THSD7A: variants seen among roughly 807,000 people sequenced by gnomAD.
THSD7A encodes the protein thrombospondin type-1 domain-containing protein 7A.
In THSD7A, 96 loss-of-function variants were observed where a neutral mutation model predicts 231.3. The observed-to-expected ratio is 0.41, with a 90% CI of 0.35 to 0.49. The LOEUF is 0.49. Among genes scored for constraint, THSD7A ranks in the 20% least tolerant of loss-of-function variants. The pLI, the probability that THSD7A is intolerant of heterozygous loss-of-function variation, is 0.05. For synonymous variants in THSD7A, 940 were observed against 743.3 expected, an observed-to-expected ratio of 1.26 and a Z score of -4.30; for missense variants, 2,290 against 2,070.2, an observed-to-expected ratio of 1.11 and a Z score of -2.06.
chr7:11,531,905 T>C (rs1342251307), intron 6 of THSD7A, among the ~76,000 whole-genome samples: 1 of 152,178 alleles, frequency 6.6e-6, no homozygotes, highest in Non-Finnish European at 1.5e-5. Flanking sequence ...CCAGATTCAG[T>C]ATGTCCACAA....
chr7:11,408,029 A>C (rs919540137), intron 19 of THSD7A, among the ~76,000 whole-genome samples: 2 of 152,204 alleles, frequency 1.3e-5, no homozygotes, highest in Admixed American at 6.5e-5. Context: ...TCTAAAACTT[A>C]ACTGTGGTAT....
chr7:11,482,340 T>C (rs1288709864), intron 6 of THSD7A, among the ~76,000 whole-genome samples: 1 of 152,218 alleles, frequency 6.6e-6, no homozygotes, highest in Non-Finnish European at 1.5e-5. Flanking sequence ...CCCCTCTTTC[T>C]TTTTTGGAGA....
intron 1 of THSD7A, among the ~76,000 whole-genome samples, chr7:11,726,130 G>A (rs1411447696): frequency 6.6e-6 from 1 of 151,922 alleles, no homozygotes; most frequent in African/African-American, 2.4e-5. Context: ...AATTTAAAAG[G>A]AGTTTGATGT....
At chr7:11,754,599 T>A (rs1165299742) in intron 1 of THSD7A, among the ~76,000 whole-genome samples, 1 of 152,128 alleles carries the variant, frequency 6.6e-6, no homozygotes, top group Non-Finnish European at 1.5e-5. Flanking sequence ...ATGATTTAGG[T>A]CATGCAATTA....
chr7:11,758,010 CATATATATATATATAT>C (rs3037680), intron 1 of THSD7A, among the ~76,000 whole-genome samples: 1 of 142,824 alleles, frequency 7.0e-6, no homozygotes, highest in Non-Finnish European at 1.5e-5. Flanking sequence ...CATATGCATT[CATATATATATATATAT>C]ATATATATAT....
At chr7:11,581,161 T>C (rs1315676917) in intron 4 of THSD7A, among the ~76,000 whole-genome samples, 1 of 152,066 alleles carries the variant, frequency 6.6e-6, no homozygotes, top group Non-Finnish European at 1.5e-5. Flanking sequence ...ATAATTAATA[T>C]AATGTCTTAA....
At chr7:11,416,609 T>C (rs960711504) in intron 17 of THSD7A, among the ~76,000 whole-genome samples, 5 of 152,238 alleles carry the variant, frequency 3.3e-5, no homozygotes, top group Non-Finnish European at 5.9e-5. Flanking sequence ...GAATATCAAT[T>C]TCTCCTTGGA....
At chr7:11,526,939 C>T (rs577259257) in intron 6 of THSD7A, among the ~76,000 whole-genome samples, 6 of 152,134 alleles carry the variant, frequency 3.9e-5, no homozygotes, top group Non-Finnish European at 8.8e-5. Context: ...CTCTATTGCA[C>T]TCACCTTATA....
At chr7:11,705,004 C>T (rs1046915066) in intron 1 of THSD7A, among the ~76,000 whole-genome samples, 4 of 151,102 alleles carry the variant, frequency 2.6e-5, no homozygotes, top group East Asian at 2.0e-4. Flanking sequence ...TCAGTTGACA[C>T]GTCAGAACTA....
intron 1 of THSD7A, among the ~76,000 whole-genome samples, chr7:11,697,018 T>A (rs1456836980): frequency 6.6e-6 from 1 of 151,396 alleles, no homozygotes; most frequent in African/African-American, 2.4e-5. Context: ...GGATTCAATA[T>A]CTTTGAATTT....
At chr7:11,596,700 T>C (rs1780373279) in intron 2 of THSD7A, among the ~76,000 whole-genome samples, 1 of 152,214 alleles carries the variant, frequency 6.6e-6, no homozygotes, top group Non-Finnish European at 1.5e-5. Context: ...TGTTCGACTC[T>C]CCCATTTGGC....
intron 22 of THSD7A, among the ~76,000 whole-genome samples, chr7:11,403,608 A>G (rs1194853470): frequency 2.0e-5 from 3 of 152,236 alleles, no homozygotes; most frequent in African/African-American, 7.2e-5. Context: ...TGAAAATTAC[A>G]TGGAAAGAAA....
chr7:11,687,868 T>C (rs1232045012), intron 1 of THSD7A, among the ~76,000 whole-genome samples: 2 of 149,796 alleles, frequency 1.3e-5, no homozygotes, highest in East Asian at 4.1e-4. Flanking sequence ...GGGTGTTTCT[T>C]TTTTTTTTAA....
chr7:11,728,204 T>G (rs1340845108), intron 1 of THSD7A, among the ~76,000 whole-genome samples: 1 of 151,970 alleles, frequency 6.6e-6, no homozygotes, highest in Non-Finnish European at 1.5e-5. Flanking sequence ...AGAACTACAT[T>G]AAGCAGTATT....
intron 7 of THSD7A, among the ~76,000 whole-genome samples, chr7:11,479,124 C>T (rs1357800989): frequency 2.6e-5 from 4 of 152,058 alleles, no homozygotes; most frequent in African/African-American, 9.7e-5. Flanking sequence ...GTAGAGTTAC[C>T]CAAAACTGTA....
chr7:11,744,977 C>T (rs1228275780), intron 1 of THSD7A, among the ~76,000 whole-genome samples: 1 of 151,942 alleles, frequency 6.6e-6, no homozygotes, highest in Non-Finnish European at 1.5e-5. Context: ...ATGGCTGGGT[C>T]AAATGGTATT....
intron 1 of THSD7A, among the ~76,000 whole-genome samples, chr7:11,776,339 G>C (rs370611255): frequency 6.6e-6 from 1 of 152,202 alleles, no homozygotes; most frequent in East Asian, 1.9e-4. Context: ...ATCAGTCCCA[G>C]TAATGGAGCA....
intron 16 of THSD7A, among the ~76,000 whole-genome samples, chr7:11,422,721 C>T (rs753223051): frequency 1.1e-4 from 16 of 152,046 alleles, no homozygotes; most frequent in East Asian, 3.9e-4. Flanking sequence ...AGCACCGTCT[C>T]GGCTCACTGC....
chr7:11,560,312 C>T (rs1790024054), intron 4 of THSD7A, among the ~76,000 whole-genome samples: 1 of 152,030 alleles, frequency 6.6e-6, no homozygotes, highest in African/African-American at 2.4e-5. Context: ...TTCAGCTAGG[C>T]CTGATGCTTT....
Sources: gnomAD v4.1 joint callset for allele counts (sites outside exome capture counted in the v4.1 genomes callset) on GRCh38, gnomAD v4.1.1 for gene constraint, MANE v1.5 for transcripts, NCBI Gene and HGNC (gene_info 2026-07-23, HGNC 2026-07-21) for gene names.